The following MAPKAPK5 variants were observed in gnomAD, a reference collection of about 807,000 sequenced individuals.
MAPKAPK5 encodes MAP kinase-activated protein kinase 5.
MAPKAPK5 carries 30 observed loss-of-function variants against 65.1 expected under a neutral mutation model. The ratio of observed to expected loss-of-function variants is 0.46; its 90% CI spans 0.34 to 0.63. MAPKAPK5 has a LOEUF of 0.63. Ranked by LOEUF, MAPKAPK5 falls within the 20% of genes least tolerant of loss-of-function variation. The pLI is 0.01. For missense variants in MAPKAPK5, 433 were observed against 581.4 expected, an observed-to-expected ratio of 0.74 and a Z score of 2.63; for synonymous variants, 179 against 204.6, an observed-to-expected ratio of 0.87 and a Z score of 1.07.
At chr12:111,889,956 G>T in intron 12 of MAPKAPK5, 84 bp from the exon 13 acceptor site, 1 of 807,844 alleles carries the variant, frequency 1.2e-6, no homozygotes, top group Non-Finnish European at 2.1e-6. Flanking sequence ...TCAACCAGTT[G>T]GACATCACGT....
intron 1 of MAPKAPK5, chr12:111,842,972 A>C (rs1253245554): frequency 9.5e-6 from 4 of 419,168 alleles, no homozygotes; most frequent in Non-Finnish European, 1.7e-5. Context: ...GACTCCCGCC[A>C]GCTTCCCTGG....
intron 1 of MAPKAPK5, among the ~76,000 whole-genome samples, chr12:111,859,646 G>A (rs111752063): frequency 6.8e-6 from 1 of 147,482 alleles, no homozygotes; most frequent in Non-Finnish European, 1.5e-5. Flanking sequence ...TCTTTTCTTT[G>A]CTTTTCTTTT....
At chr12:111,845,692 C>T (rs548836097) in intron 1 of MAPKAPK5, among the ~76,000 whole-genome samples, 21 of 152,160 alleles carry the variant, frequency 1.4e-4, no homozygotes, top group Non-Finnish European at 2.1e-4. Context: ...GAAGCCTAGG[C>T]GGGCGGATCA....
At chr12:111,871,284 G>C (rs2069774059) in intron 7 of MAPKAPK5, 104 bp downstream of exon 7, 1 of 856,306 alleles carries the variant, frequency 1.2e-6, no homozygotes, top group Admixed American at 2.5e-5. Context: ...CAGATGGGAG[G>C]GGGAGAACTT....
At chr12:111,886,073 T>G (rs746330530) in intron 10 of MAPKAPK5, 37 bp downstream of exon 10, 136 of 1,613,506 alleles carry the variant, frequency 8.4e-5, no homozygotes, top group Middle Eastern at 4.9e-4. Context: ...CTGAAAAGAC[T>G]GTGTTGGGAA....
chr12:111,857,163 T>A (rs1354500823), intron 1 of MAPKAPK5, among the ~76,000 whole-genome samples: 1 of 152,176 alleles, frequency 6.6e-6, no homozygotes, highest in Non-Finnish European at 1.5e-5. Flanking sequence ...TTTATGAAAT[T>A]AAGAGAAGAA....
chr12:111,861,797 C>A (rs546874461), intron 1 of MAPKAPK5, among the ~76,000 whole-genome samples: 1 of 152,298 alleles, frequency 6.6e-6, no homozygotes, highest in Admixed American at 6.5e-5. Flanking sequence ...CCCCTCAACT[C>A]TGTTGTTGTA....
intron 10 of MAPKAPK5, among the ~76,000 whole-genome samples, chr12:111,887,407 T>G (rs558412043): frequency 6.6e-6 from 1 of 152,286 alleles, no homozygotes; most frequent in East Asian, 1.9e-4. Context: ...CATGGTGGCT[T>G]ACGCCTGTAA....
intron 6 of MAPKAPK5, 102 bp from the exon 7 acceptor site, chr12:111,870,983 A>G (rs2069765168): frequency 6.1e-6 from 5 of 816,206 alleles, no homozygotes; most frequent in Non-Finnish European, 9.9e-6. Flanking sequence ...TCAGCTGGAA[A>G]GAAACTTGTT....
intron 1 of MAPKAPK5, among the ~76,000 whole-genome samples, chr12:111,848,183 A>G (rs527888150): frequency 2.0e-5 from 3 of 152,204 alleles, no homozygotes; most frequent in Non-Finnish European, 4.4e-5. Flanking sequence ...TGGTTGTACC[A>G]TTATACATTC....
intron 5 of MAPKAPK5, among the ~76,000 whole-genome samples, chr12:111,869,185 G>A (rs2069702305): frequency 6.6e-6 from 1 of 152,100 alleles, no homozygotes; most frequent in Admixed American, 6.6e-5. Context: ...ACTGTTATTG[G>A]ACTTTGCAAT....
intron 1 of MAPKAPK5, among the ~76,000 whole-genome samples, chr12:111,857,549 C>T (rs1050477215): frequency 3.3e-5 from 5 of 152,184 alleles, no homozygotes; most frequent in East Asian, 1.9e-4. Context: ...CCACCGTGCC[C>T]GGCCTGATCC....
rs188989181 is a variant in MAPKAPK5 at position 111,859,302 on chromosome 12, C to T, written c.37-5948C>T. Among the ~76,000 whole-genome samples, 40 of 148,588 alleles carry T rather than the reference C, an allele frequency of 2.7e-4. 7 individuals are homozygous for T. The highest frequency in any genetic ancestry group is 5.1e-4 in the Non-Finnish European group (34 of 67,144). On this transcript the variant is annotated intron_variant, in intron 1 of 13. Transcript: ENST00000550735. Reference sequence around the variant, plus strand: ...TAAATTATTATTAGTTTTTTCGAGACGGAGTCTCACTCTGTCACCAGGCTG... The same window carrying T: ...TAAATTATTATTAGTTTTTTCGAGATGGAGTCTCACTCTGTCACCAGGCTG...
rs1363764235 is a variant in MAPKAPK5, at chr12:111,898,519, C to G, written c.*5458C>G. 1 of 152,156 alleles carries G rather than the reference C, an allele frequency of 6.6e-6. No homozygotes were observed. The highest frequency in any genetic ancestry group is 1.5e-5 in the Non-Finnish European group (1 of 68,052). The allele number at this position is 152,156 out of a possible 1,614,324, so 9.4% of individuals were successfully genotyped here. A position where few individuals can be genotyped will look rare whatever the true frequency, so the allele number is the denominator to read the frequency against. On this transcript the variant is annotated 3_prime_UTR_variant, in exon 14 of 14. Transcript: ENST00000550735. Reference sequence around the variant, plus strand: ...CAGTTGGAGGAACTGAACTTTGATCCTGATCCTTTATATACTCCCATGGTG... The same window carrying G: ...CAGTTGGAGGAACTGAACTTTGATCGTGATCCTTTATATACTCCCATGGTG...
intron 1 of MAPKAPK5, among the ~76,000 whole-genome samples, chr12:111,858,010 T>A (rs1289767976): frequency 6.6e-6 from 1 of 152,040 alleles, no homozygotes; most frequent in Non-Finnish European, 1.5e-5. Context: ...GCAACCCTCC[T>A]ACCTCAGCCT....
chr12:111,874,772 ACT>A (rs1491157831), intron 7 of MAPKAPK5, among the ~76,000 whole-genome samples: 1 of 97,634 alleles, frequency 1.0e-5, no homozygotes, highest in African/African-American at 4.3e-5. Context: ...CATACTAGTG[ACT>A]TTTTTTTTTT....
chr12:111,872,392 A>C (rs759140507), intron 7 of MAPKAPK5, among the ~76,000 whole-genome samples: 3 of 152,016 alleles, frequency 2.0e-5, no homozygotes, highest in Non-Finnish European at 4.4e-5. Context: ...CTTTTTGTAC[A>C]TGTGTATTGG....
rs2069769732 is a variant in MAPKAPK5 at position 111,871,159 on chromosome 12, C to T, written c.558C>T (p.Thr186=). 10 of 1,613,638 alleles carry T rather than the reference C, an allele frequency of 6.2e-6. No homozygotes were observed. Among genetic ancestry groups the T allele is most frequent in the Non-Finnish European group, 8.5e-6 (10 of 1,179,784 alleles). Residue 186 remains threonine (T), a synonymous_variant, in exon 7 of 14, where the codon ACC becomes ACT. Transcript: ENST00000550735. ...GTGACTTGATGACACCCCAGTTCACCCCTTATTATGTAGCACCCCAGGTAA... is the reference window on the plus strand; with the variant it reads ...GTGACTTGATGACACCCCAGTTCACTCCTTATTATGTAGCACCCCAGGTAA... ...DQGDLMTPQF[T]PYYVAPQVLE...
rs1213542618 is a variant in MAPKAPK5 at position 111,896,564 on chromosome 12, G to A, written c.*3503G>A. On this transcript the variant is annotated 3_prime_UTR_variant, in exon 14 of 14. Transcript: ENST00000550735. ...ATTTGCACATAACTGGAAGTGAAAC[G>A]ATATCTTTCTCATATTTTTTGGCCT... The A allele has an allele frequency of 2.6e-5, 4 of 152,162 alleles. No homozygotes were observed. The highest frequency in any genetic ancestry group is 2.1e-4 in the South Asian group (1 of 4,834). The allele number at this position is 152,162 out of a possible 1,614,324, so 9.4% of individuals were successfully genotyped here. A position where few individuals can be genotyped will look rare whatever the true frequency, so the allele number is the denominator to read the frequency against.
Sources: gnomAD v4.1 joint callset for allele counts (sites outside exome capture counted in the v4.1 genomes callset) on GRCh38, gnomAD v4.1.1 for gene constraint, MANE v1.5 for transcripts, NCBI Gene and HGNC (gene_info 2026-07-23, HGNC 2026-07-21) for gene names.